Variants in POU2F1 observed in about 807,000 individuals in gnomAD.
POU2F1 encodes POU domain, class 2, transcription factor 1.
Under a neutral mutation model 84.9 loss-of-function variants are expected in POU2F1, and 16 were observed. The ratio of observed to expected loss-of-function variants is 0.19; its 90% CI spans 0.13 to 0.29. POU2F1 has a LOEUF of 0.29. POU2F1 is among the 10% of genes least tolerant of loss of function. POU2F1 has a pLI of 1.00. For synonymous variants in POU2F1, 368 were observed against 368.3 expected (o/e 1.00, Z 0.01); for missense variants, 738 against 942.6 (o/e 0.78, Z 2.84).
At chr1:167,338,117 G>T (rs1657592101) in intron 2 of POU2F1, 1 of 417,296 alleles carries the variant, frequency 2.4e-6, no homozygotes, top group Non-Finnish European at 4.6e-6. Flanking sequence ...AAGTGTGCCT[G>T]CCTCTCCTGC....
chr1:167,300,666 C>T (rs1281958867), intron 1 of POU2F1, among the ~76,000 whole-genome samples: 2 of 152,066 alleles, frequency 1.3e-5, no homozygotes, highest in Non-Finnish European at 2.9e-5. Flanking sequence ...GTTTTCACCA[C>T]GTTGGCCAGG....
At chr1:167,399,875 A>G (rs1039740730) in intron 12 of POU2F1, among the ~76,000 whole-genome samples, 1 of 147,592 alleles carries the variant, frequency 6.8e-6, no homozygotes, top group Non-Finnish European at 1.5e-5. Flanking sequence ...GGGTTTCACT[A>G]TGTTGGCCAG....
At chr1:167,398,835 C>A (rs1434339110) in intron 11 of POU2F1, among the ~76,000 whole-genome samples, 1 of 152,122 alleles carries the variant, frequency 6.6e-6, no homozygotes. Context: ...AAATACCTGC[C>A]TTTCTTACTG....
At chr1:167,409,009 AG>A (rs1180785934) in intron 13 of POU2F1, among the ~76,000 whole-genome samples, 46 of 152,298 alleles carry the variant, frequency 3.0e-4, no homozygotes, top group Non-Finnish European at 1.5e-5. Flanking sequence ...TGGCTTTTGA[AG>A]CGCAAAAGAT....
intron 1 of POU2F1, among the ~76,000 whole-genome samples, chr1:167,235,643 T>TA (rs1649391733): frequency 6.6e-6 from 1 of 152,242 alleles, no homozygotes; most frequent in African/African-American, 2.4e-5. Flanking sequence ...GTCATGCATG[T>TA]ACACATAATT....
At chr1:167,363,468 A>G (rs917030004) in intron 2 of POU2F1, among the ~76,000 whole-genome samples, 1 of 152,234 alleles carries the variant, frequency 6.6e-6, no homozygotes, top group Non-Finnish European at 1.5e-5. Flanking sequence ...GATATCCTGC[A>G]TAGAGATAGA....
chr1:167,338,027 G>A, intron 2 of POU2F1: 1 of 416,842 alleles, frequency 2.4e-6, no homozygotes, highest in Non-Finnish European at 4.8e-6. Context: ...AAGAAGGATT[G>A]GTAGCATATA....
chr1:167,396,467 A>G, intron 10 of POU2F1, 40 bp downstream of exon 10: 1 of 1,580,236 alleles, frequency 6.3e-7, no homozygotes, highest in Non-Finnish European at 8.7e-7. Flanking sequence ...CATTCATTGG[A>G]ATTTTACATG....
intron 1 of POU2F1, chr1:167,329,182 A>G: frequency 6.6e-7 from 1 of 1,506,510 alleles, no homozygotes; most frequent in Non-Finnish European, 8.9e-7. Flanking sequence ...CATACTGTAG[A>G]TTTGTTAGAA....
intron 1 of POU2F1, among the ~76,000 whole-genome samples, chr1:167,266,097 C>G (rs553476876): frequency 6.6e-6 from 1 of 152,206 alleles, no homozygotes; most frequent in Non-Finnish European, 1.5e-5. Context: ...CAATAGTTCT[C>G]TTGGGAAGAG....
chr1:167,326,107 C>G (rs1656693695), intron 1 of POU2F1, among the ~76,000 whole-genome samples: 1 of 152,096 alleles, frequency 6.6e-6, no homozygotes, highest in Admixed American at 6.5e-5. Context: ...ATTACCCCAC[C>G]CCCAATCCAG....
intron 1 of POU2F1, among the ~76,000 whole-genome samples, chr1:167,331,894 T>C (rs1657103213): frequency 6.6e-6 from 1 of 152,070 alleles, no homozygotes; most frequent in African/African-American, 2.4e-5. Flanking sequence ...AGTTGAGGTA[T>C]GAATTTAATA....
intron 1 of POU2F1, among the ~76,000 whole-genome samples, chr1:167,222,459 ATGTGCTTT>A (rs1410568639): frequency 6.6e-6 from 1 of 151,662 alleles, no homozygotes; most frequent in African/African-American, 2.4e-5. Context: ...CATTCGCCCC[ATGTGCTTT>A]TGTGGTTCGA....
chr1:167,353,524 G>A lies in POU2F1; in HGVS notation c.128-11943G>A, dbSNP rs145731824. Reference sequence around the variant, plus strand: ...TCTTTCAGTCTTTTAAGTTTGCTCAGGTTTTATCAACCTCAAGTCTTTCCT... The same window carrying A: ...TCTTTCAGTCTTTTAAGTTTGCTCAAGTTTTATCAACCTCAAGTCTTTCCT... On this transcript the variant is annotated intron_variant, in intron 2 of 15. Coordinates refer to ENST00000367866, the MANE Select transcript of POU2F1 (RefSeq NM_002697.4). Among the ~76,000 whole-genome samples, 10 of 152,074 alleles carry A rather than the reference G, an allele frequency of 6.6e-5. No individual in the cohort carries two copies. In the East Asian group the frequency reaches 1.7e-3, roughly 26 times the overall value.
At chr1:167,401,169 G>A (rs113757503) in intron 12 of POU2F1, among the ~76,000 whole-genome samples, 131 of 152,146 alleles carry the variant, frequency 8.6e-4, no homozygotes, top group African/African-American at 3.1e-3. Flanking sequence ...CTGTCAAATA[G>A]TTTTCTTATT....
chr1:167,397,955 T>C (rs770480813), intron 10 of POU2F1, 39 bp from the exon 11 acceptor site: 1 of 1,582,414 alleles, frequency 6.3e-7, no homozygotes, highest in South Asian at 1.1e-5. Context: ...ATCACTGTGC[T>C]CAGCTAATTT....
At chr1:167,404,892 G>C (rs570019276) in intron 13 of POU2F1, among the ~76,000 whole-genome samples, 1 of 152,264 alleles carries the variant, frequency 6.6e-6, no homozygotes, top group South Asian at 2.1e-4. Context: ...CCTGTCACCA[G>C]AGCTCTTTTT....
At chr1:167,333,776 C>T (rs562990019) in intron 2 of POU2F1, among the ~76,000 whole-genome samples, 31 of 152,312 alleles carry the variant, frequency 2.0e-4, no homozygotes, top group Non-Finnish European at 4.0e-4. Flanking sequence ...TCTGAATTGT[C>T]AGCCAGTCTC....
At chr1:167,246,213 A>G (rs1650308610) in intron 1 of POU2F1, among the ~76,000 whole-genome samples, 1 of 152,156 alleles carries the variant, frequency 6.6e-6, no homozygotes, top group Admixed American at 6.5e-5. Context: ...AGACCCACCT[A>G]GGAGATTTCT....
Sources: allele counts gnomAD v4.1 joint callset (sites outside exome capture counted in the v4.1 genomes callset), GRCh38; gene constraint gnomAD v4.1.1; transcripts MANE v1.5; gene names NCBI Gene and HGNC (gene_info 2026-07-23, HGNC 2026-07-21).